Variants in SLC8A1 observed in about 807,000 individuals in gnomAD.
SLC8A1 encodes the protein solute carrier family 8 member A1, also known as sodium/calcium exchanger 1.
A neutral mutation model predicts 68.3 loss-of-function variants in SLC8A1; 18 were observed. That is an observed-to-expected ratio of 0.26 (90% CI 0.18 to 0.39). The LOEUF is 0.39. Among genes scored for constraint, SLC8A1 ranks in the 10% least tolerant of loss-of-function variants. The pLI is 1.00. For missense variants in SLC8A1, 985 were observed against 1,156.7 expected (o/e 0.85, Z 2.15); for synonymous variants, 475 against 415.5 (o/e 1.14, Z -1.74).
upstream of SLC8A1, among the ~76,000 whole-genome samples, chr2:40,455,147 A>G (rs1702926405): frequency 6.6e-6 from 1 of 152,152 alleles, no homozygotes; most frequent in South Asian, 2.1e-4. Flanking sequence ...TTCACAAACT[A>G]TTTCCTAGGA....
chr2:40,171,336 T>C (rs889015207), intron 4 of SLC8A1, among the ~76,000 whole-genome samples: 1 of 152,218 alleles, frequency 6.6e-6, no homozygotes, highest in Admixed American at 6.5e-5. Flanking sequence ...CATAATAGGA[T>C]TAGAGGAGTA....
At chr2:40,215,946 C>G (rs1346085347) in intron 2 of SLC8A1, among the ~76,000 whole-genome samples, 1 of 150,922 alleles carries the variant, frequency 6.6e-6, no homozygotes, top group Non-Finnish European at 1.5e-5. Context: ...TCATATCTGA[C>G]AAAATACCCA....
chr2:40,234,529 A>T (rs1025414860), intron 2 of SLC8A1, among the ~76,000 whole-genome samples: 1 of 152,148 alleles, frequency 6.6e-6, no homozygotes, highest in Admixed American at 6.5e-5. Flanking sequence ...TAGATATACA[A>T]TCATGTCTTC....
At chr2:40,382,870 G>A (rs916832869) in intron 2 of SLC8A1, among the ~76,000 whole-genome samples, 1 of 151,976 alleles carries the variant, frequency 6.6e-6, no homozygotes, top group Non-Finnish European at 1.5e-5. Context: ...TAACTACCAG[G>A]AATATAAGAG....
chr2:40,278,556 A>T (rs113674722), intron 2 of SLC8A1, among the ~76,000 whole-genome samples: 2 of 152,208 alleles, frequency 1.3e-5, no homozygotes, highest in African/African-American at 4.8e-5. Flanking sequence ...GTAACTTTGC[A>T]TATTATTCAT....
chr2:40,343,219 T>G (rs1254114472), intron 2 of SLC8A1, among the ~76,000 whole-genome samples: 2 of 152,202 alleles, frequency 1.3e-5, no homozygotes, highest in Non-Finnish European at 2.9e-5. Context: ...ATACCTCTTT[T>G]AAACTCTGTT....
In SLC8A1 at chr2:40,295,340, A is replaced by G. The variant is rs918304631; in HGVS notation, c.1809-117485T>C. Among the ~76,000 whole-genome samples the G allele has an allele frequency of 4.9e-4, 75 of 152,172 alleles. 1 individual carries two copies. The highest frequency in any genetic ancestry group is 1.6e-3 in the African/African-American group (67 of 41,530). ...CTAGTTTCAAACTCCTGGGCTCAAC[A>G]GATCCTTCCGCCTCAGCCTCCCACA... On this transcript the variant is annotated intron_variant, in intron 2 of 7. Transcript: ENST00000406785.
intron 2 of SLC8A1, among the ~76,000 whole-genome samples, chr2:40,409,248 A>G (rs1213635219): frequency 1.3e-5 from 2 of 152,132 alleles, no homozygotes; most frequent in Non-Finnish European, 2.9e-5. Context: ...GTTCCCAATC[A>G]TATTTTGTTA....
chr2:40,148,039 G>GA (rs527460944), intron 6 of SLC8A1, among the ~76,000 whole-genome samples: 15 of 152,270 alleles, frequency 9.9e-5, no homozygotes, highest in Admixed American at 2.6e-4. Context: ...TTTCCATAGA[G>GA]AAAAATCTCT....
intron 2 of SLC8A1, among the ~76,000 whole-genome samples, chr2:40,287,264 C>G (rs2068471274): frequency 6.6e-6 from 1 of 152,072 alleles, no homozygotes; most frequent in South Asian, 2.1e-4. Flanking sequence ...AATTAGAGAA[C>G]AATACAAGCA....
At chr2:40,477,474 T>C in intron 1 of SLC8A1, among the ~76,000 whole-genome samples, 1 of 152,198 alleles carries the variant, frequency 6.6e-6, no homozygotes. Context: ...TAATTTATTG[T>C]CACTTAAACA....
chr2:40,307,069 C>A (rs1436008297), intron 2 of SLC8A1, among the ~76,000 whole-genome samples: 1 of 151,854 alleles, frequency 6.6e-6, no homozygotes, highest in East Asian at 1.9e-4. Flanking sequence ...GCAGCACTGT[C>A]CACAATAGCC....
chr2:40,251,720 A>G (rs2062782040), intron 2 of SLC8A1: 2 of 152,208 alleles, frequency 1.3e-5, no homozygotes, highest in South Asian at 4.1e-4. Context: ...GAGAGGGTCA[A>G]CAGCTGAATC....
chr2:40,338,701 G>T (rs902408229), intron 2 of SLC8A1, among the ~76,000 whole-genome samples: 5 of 152,140 alleles, frequency 3.3e-5, no homozygotes, highest in African/African-American at 1.2e-4. Context: ...AGTCACTAGG[G>T]ATGATTCTTC....
At chr2:40,232,901 A>T (rs1439065739) in intron 2 of SLC8A1, among the ~76,000 whole-genome samples, 2 of 149,314 alleles carry the variant, frequency 1.3e-5, no homozygotes, top group East Asian at 3.9e-4. Flanking sequence ...TTCCAATTTC[A>T]TCCATGTCCC....
chr2:40,108,419 G>A (rs6727101), exon 8 of SLC8A1: 1 of 152,066 alleles, frequency 6.6e-6, no homozygotes, highest in African/African-American at 2.4e-5. Context: ...ATAATAACTT[G>A]CAAATATCTT....
At chr2:40,228,290 T>C (rs1335541496) in intron 2 of SLC8A1, among the ~76,000 whole-genome samples, 1 of 152,210 alleles carries the variant, frequency 6.6e-6, no homozygotes, top group Admixed American at 6.5e-5. Flanking sequence ...AAAGATCACA[T>C]ACACACCACA....
intron 1 of SLC8A1, among the ~76,000 whole-genome samples, chr2:40,467,698 A>C (rs1191947965): frequency 6.6e-6 from 1 of 152,172 alleles, no homozygotes; most frequent in Non-Finnish European, 1.5e-5. Context: ...GTCCACTTTA[A>C]TTAAATCCCA....
chr2:40,422,719 G>A (rs1473572900), intron 2 of SLC8A1, among the ~76,000 whole-genome samples: 1 of 152,044 alleles, frequency 6.6e-6, no homozygotes, highest in Non-Finnish European at 1.5e-5. Flanking sequence ...GAGACCCAAG[G>A]ACTAGTTAAC....
Sources: allele counts gnomAD v4.1 joint callset (sites outside exome capture counted in the v4.1 genomes callset), GRCh38; gene constraint gnomAD v4.1.1; transcripts MANE v1.5; gene names NCBI Gene and HGNC (gene_info 2026-07-23, HGNC 2026-07-21).